SPAG9: variants seen among roughly 807,000 people sequenced by gnomAD.
SPAG9 encodes C-Jun-amino-terminal kinase-interacting protein 4.
Under a neutral mutation model 166.5 loss-of-function variants are expected in SPAG9, and 35 were observed. That is an observed-to-expected ratio of 0.21 (90% confidence interval 0.16 to 0.28). The LOEUF is 0.28. Ranked by LOEUF, SPAG9 falls within the 10% of genes least tolerant of loss-of-function variation. The pLI, the probability that SPAG9 is intolerant of heterozygous loss-of-function variation, is 1.00. For synonymous variants in SPAG9, 534 were observed against 565.5 expected, an observed-to-expected ratio of 0.94 and a Z score of 0.79; for missense variants, 1,235 against 1,603.3, an observed-to-expected ratio of 0.77 and a Z score of 3.92.
chr17:50,998,487 G>A lies in SPAG9; in HGVS notation c.1795C>T (p.Leu599Phe). The A allele has an allele frequency of 1.2e-6, 2 of 1,614,142 alleles. No individual in the cohort carries two copies. Among genetic ancestry groups the A allele is most frequent in the Non-Finnish European group, 1.7e-6 (2 of 1,179,968 alleles). ...VKKRSSTLSQ[L>F]PGDKSKAFDF... ...AAGGCTTTGGACTTATCCCCAGGGA[G>A]CTGAGATAAGGTGCTGCTTCTTTTC... Residue 599 changes from leucine (L) to phenylalanine (F), a missense_variant, in exon 15 of 30, where the codon CTC becomes TTC. Physicochemically the swap from Leu to Phe is conservative, Grantham distance 22. This residue lies in a region of SPAG9 where 493 missense variants were observed against 559.4 expected (regional missense o/e 0.88). Transcript: ENST00000262013.
chr17:51,033,484 A>G lies in SPAG9; in HGVS notation c.742-1762T>C, dbSNP rs372226151. 3.3e-5 allele frequency among the ~76,000 whole-genome samples: 5 copies of G among 152,342 alleles called. No individual in the cohort carries two copies. The East Asian group carries it at 9.6e-4, about 29-fold the overall frequency. On this transcript the variant is annotated intron_variant, in intron 5 of 29. Coordinates refer to ENST00000262013, the MANE Select transcript of SPAG9 (RefSeq NM_001130528.3). ...TGAAGAAACTTCCCATTCCTACTCC[A>G]CATTCTTCAGTATTACTAAAAATTG... is the stretch of plus-strand genomic sequence containing the variant.
chr17:51,077,061 T>TCTAGCTAGCTATCTAGCTATCTAG, intron 2 of SPAG9, among the ~76,000 whole-genome samples: 1 of 109,708 alleles, frequency 9.1e-6, no homozygotes, highest in Admixed American at 8.9e-5. Flanking sequence ...TAGCTAGCTA[T>TCTAGCTAGCTATCTAGCTATCTAG]CTAGCTAGCT....
intron 8 of SPAG9, 65 bp from the exon 9 acceptor site, chr17:51,014,418 G>A (rs2045615223): frequency 6.8e-7 from 1 of 1,462,658 alleles, no homozygotes; most frequent in Non-Finnish European, 9.3e-7. Context: ...GCTGTAAAAT[G>A]AATACAATAG....
intron 28 of SPAG9, among the ~76,000 whole-genome samples, chr17:50,972,419 GCAAA>G (rs1319520154): frequency 6.6e-6 from 1 of 152,136 alleles, no homozygotes; most frequent in African/African-American, 2.4e-5. Flanking sequence ...TTTAGATTAT[GCAAA>G]CAAAATTACT....
chr17:51,103,378 C>T (rs1317633431), intron 1 of SPAG9, among the ~76,000 whole-genome samples: 1 of 152,130 alleles, frequency 6.6e-6, no homozygotes, highest in Non-Finnish European at 1.5e-5. Flanking sequence ...TGTGCCCAAA[C>T]CACAGTCGGG....
intron 1 of SPAG9, among the ~76,000 whole-genome samples, chr17:51,114,490 C>A (rs1568101480): frequency 6.6e-6 from 1 of 151,982 alleles, no homozygotes; most frequent in Non-Finnish European, 1.5e-5. Context: ...AGTAGCTGGG[C>A]ATGGTGGCTC....
intron 1 of SPAG9, among the ~76,000 whole-genome samples, chr17:51,114,194 C>T (rs918365684): frequency 6.6e-6 from 1 of 151,914 alleles, no homozygotes; most frequent in Non-Finnish European, 1.5e-5. Context: ...GGCGTGCTGG[C>T]GCGTGCCTGT....
intron 12 of SPAG9, among the ~76,000 whole-genome samples, chr17:51,004,818 T>C (rs910043331): frequency 1.3e-5 from 2 of 152,244 alleles, no homozygotes; most frequent in Admixed American, 1.3e-4. Flanking sequence ...TATGAACTAA[T>C]TGACTAGTAC....
chr17:51,086,588 G>A (rs547219872), intron 1 of SPAG9, among the ~76,000 whole-genome samples: 10 of 152,020 alleles, frequency 6.6e-5, no homozygotes, highest in Admixed American at 5.2e-4. Context: ...AGGAGGTGGA[G>A]GCTGTAATGA....
At chr17:50,971,164 G>A (rs745381130) in intron 28 of SPAG9, among the ~76,000 whole-genome samples, 2 of 151,992 alleles carry the variant, frequency 1.3e-5, no homozygotes, top group Non-Finnish European at 2.9e-5. Context: ...AAAGTTAGCC[G>A]GGAATGGTGG....
chr17:51,015,905 A>G (rs1265458782), intron 8 of SPAG9, among the ~76,000 whole-genome samples: 2 of 152,196 alleles, frequency 1.3e-5, no homozygotes, highest in African/African-American at 2.4e-5. Context: ...CAGGACTGGA[A>G]GATAGGAATG....
intron 1 of SPAG9, among the ~76,000 whole-genome samples, chr17:51,115,280 C>G (rs2049251814): frequency 1.3e-5 from 2 of 152,066 alleles, no homozygotes; most frequent in South Asian, 4.2e-4. Flanking sequence ...TCTCAAACTC[C>G]TGGGCTTAAG....
At chr17:51,079,252 G>A (rs1008660928) in intron 2 of SPAG9, among the ~76,000 whole-genome samples, 3 of 149,638 alleles carry the variant, frequency 2.0e-5, no homozygotes, top group African/African-American at 7.4e-5. Flanking sequence ...TTTCTGGGGG[G>A]TGGGGGGACA....
chr17:51,055,533 AG>A lies in SPAG9; in HGVS notation c.495+878del, dbSNP rs540843175. 2.8e-4 allele frequency among the ~76,000 whole-genome samples: 43 copies of A among 152,324 alleles called. 1 individual carries two copies. The highest frequency in any genetic ancestry group is 5.4e-4 in the Non-Finnish European group (37 of 68,026). The stretch of plus-strand genomic sequence containing the variant: ...TATAAAGGTTTTTATACTCTTCTAA[AG>A]AAAAACAACAACATAGTTTCTACCA... On this transcript the variant is annotated intron_variant, in intron 3 of 29. Transcript: ENST00000262013.
rs1471462844 is a variant in SPAG9, at chr17:51,097,441, A to C, written c.304-17737T>G. Among the ~76,000 whole-genome samples the C allele has an allele frequency of 3.9e-5, 6 of 152,136 alleles. No individual in the cohort carries two copies. In the East Asian group the frequency reaches 7.7e-4, roughly 20 times the overall value. On this transcript the variant is annotated intron_variant, in intron 1 of 29. Coordinates refer to ENST00000262013, the MANE Select transcript of SPAG9 (RefSeq NM_001130528.3). The stretch of plus-strand genomic sequence containing the variant: ...CATGACTGTAATCCCAGTGATTCGG[A>C]GGCTGAGGCAGGAAGACAGCTTGCA...
At chr17:51,117,460 C>A (rs1447774196) in intron 1 of SPAG9, among the ~76,000 whole-genome samples, 2 of 152,062 alleles carry the variant, frequency 1.3e-5, no homozygotes, top group Non-Finnish European at 2.9e-5. Context: ...GCCTGTAATC[C>A]CAGCACTTTG....
At chr17:51,012,645 C>A (rs184091422) in intron 9 of SPAG9, among the ~76,000 whole-genome samples, 149 of 152,022 alleles carry the variant, frequency 9.8e-4, no homozygotes, top group Non-Finnish European at 1.8e-3. Flanking sequence ...CAAAGTTTTA[C>A]TTAAACTTTA....
At chr17:51,072,660 G>A (rs2047855623) in intron 2 of SPAG9, among the ~76,000 whole-genome samples, 1 of 151,848 alleles carries the variant, frequency 6.6e-6, no homozygotes, top group South Asian at 2.1e-4. Flanking sequence ...CTCCAACCTG[G>A]GCAACAGAGC....
intron 21 of SPAG9, among the ~76,000 whole-genome samples, chr17:50,988,599 C>A (rs915533761): frequency 6.6e-6 from 1 of 152,174 alleles, no homozygotes; most frequent in Admixed American, 6.5e-5. Flanking sequence ...GTTTCCCAGG[C>A]GGCAGTGCAG....
Sources: gnomAD v4.1 joint callset for allele counts (sites outside exome capture counted in the v4.1 genomes callset) on GRCh38, gnomAD v4.1.1 for gene constraint, gnomAD v4.1.1 regional missense constraint, MANE v1.5 for transcripts, NCBI Gene and HGNC (gene_info 2026-07-23, HGNC 2026-07-21) for gene names.